The following VGLL1 variants were observed in gnomAD, a reference collection of about 807,000 sequenced individuals.
The protein encoded by VGLL1 is transcription cofactor vestigial-like protein 1.
A neutral mutation model predicts 12.0 loss-of-function variants in VGLL1; 4 were observed. The observed-to-expected ratio is 0.33, with a 90% CI of 0.16 to 0.76. VGLL1 has a LOEUF of 0.76. Among genes scored for constraint, VGLL1 ranks in the 30% least tolerant of loss-of-function variants. The probability of loss-of-function intolerance (pLI) is 0.60; values close to 1 mark genes in which losing one functional copy is unlikely to be tolerated. For missense variants in VGLL1, 204 were observed against 208.7 expected (o/e 0.98, Z 0.14); for synonymous variants, 87 against 81.2 (o/e 1.07, Z -0.39).
intron 2 of VGLL1, among the ~76,000 whole-genome samples, chrX:136,542,369 A>G (rs1356985747): frequency 8.9e-6 from 1 of 112,206 alleles, no homozygotes; most frequent in East Asian, 2.8e-4. Context: ...CAGACACCAC[A>G]CTAAAATTAG....
At chrX:136,544,852 G>A (rs2075865481) in intron 2 of VGLL1, among the ~76,000 whole-genome samples, 1 of 111,592 alleles carries the variant, frequency 9.0e-6, no homozygotes, top group Non-Finnish European at 1.9e-5. Context: ...GCTGTTATGG[G>A]CCCCTTGGCT....
chrX:136,549,615 C>T, intron 3 of VGLL1, among the ~76,000 whole-genome samples: 1 of 109,946 alleles, frequency 9.1e-6, no homozygotes, highest in Non-Finnish European at 1.9e-5. Flanking sequence ...TCCCTGACCA[C>T]CACCCCTCCC....
At position 136,536,192 on chromosome X, in the gene VGLL1, T is replaced by C; in HGVS notation, c.172T>C (p.Leu58=). 1 of 1,211,087 alleles carries C rather than the reference T, an allele frequency of 8.3e-7. No homozygotes were observed. The highest frequency in any genetic ancestry group is 3.0e-5 in the East Asian group (1 of 33,833). Residue 58 remains leucine, a synonymous_variant, in exon 2 of 5, where the codon TTG becomes CTG. Coordinates refer to ENST00000370634, the MANE Select transcript of VGLL1 (RefSeq NM_016267.4). ...GAGCAATATCAAGAGCCCCCAGGAA[T>C]TGACCCCCTCGAGTCAGAGTGAAGG... ...ALSNIKSPQE[L]TPSSQSEGVM...
intron 4 of VGLL1, among the ~76,000 whole-genome samples, chrX:136,552,720 G>C (rs2075889825): frequency 8.9e-6 from 1 of 112,045 alleles, no homozygotes; most frequent in African/African-American, 3.3e-5. Flanking sequence ...AAAGGTGAAA[G>C]GACTTGCCTT....
At chrX:136,539,687 A>T (rs1473170489) in intron 2 of VGLL1, among the ~76,000 whole-genome samples, 1 of 111,573 alleles carries the variant, frequency 9.0e-6, no homozygotes, top group Non-Finnish European at 1.9e-5. Context: ...CTCTGTCTAC[A>T]CTTACTGTCT....
intron 4 of VGLL1, among the ~76,000 whole-genome samples, chrX:136,555,711 T>C (rs752524334): frequency 2.7e-5 from 3 of 112,383 alleles, no homozygotes; most frequent in African/African-American, 6.5e-5. Context: ...GATTTCTATT[T>C]TCTCAATCAA....
Position 136,536,236 on chromosome X carries a change from T to C in VGLL1, c.214+2T>C. On this transcript the variant is annotated splice_donor_variant, in intron 2 of 4. Coordinates refer to ENST00000370634, the MANE Select transcript of VGLL1 (RefSeq NM_016267.4). LOFTEE classifies it high-confidence loss of function. The stretch of plus-strand genomic sequence containing the variant: ...GTGAAGGTGTGATGCTGAAAAACGG[T>C]GAGCATGTGGGGAGGGAGGGAGCTG... 8.3e-7 allele frequency: 1 copy of C among 1,207,756 alleles called. No homozygotes were observed. The highest frequency in any genetic ancestry group is 1.1e-6 in the Non-Finnish European group (1 of 893,143).
At chrX:136,552,008 G>A (rs1214494646) in intron 4 of VGLL1, among the ~76,000 whole-genome samples, 1 of 111,576 alleles carries the variant, frequency 9.0e-6, no homozygotes, top group African/African-American at 3.3e-5. Flanking sequence ...AAGTAGGGGT[G>A]AGGGCAATCT....
Position 136,536,158 on chromosome X carries a change from C to T in VGLL1, c.138C>T (p.Ser46=). The change falls in exon 2 of 5, where the codon TCC becomes TCT. Residue 46 remains serine (S), a synonymous_variant. Transcript: ENST00000370634. ...GCAGCGTAGTGGATGAACACTTCTC[C>T]AGAGCTCTGAGCAATATCAAGAGCC... The part of the protein sequence containing the change: ...DISSVVDEHF[S]RALSNIKSPQ... 3.3e-6 allele frequency: 4 copies of T among 1,211,372 alleles called. No homozygotes were observed. Among genetic ancestry groups the T allele is most frequent in the Non-Finnish European group, 4.5e-6 (4 of 895,430 alleles).
intron 1 of VGLL1, among the ~76,000 whole-genome samples, chrX:136,532,513 T>C (rs2075825154): frequency 9.0e-6 from 1 of 111,437 alleles, no homozygotes; most frequent in African/African-American, 3.3e-5. Context: ...AGTGCGTCCA[T>C]GCAGGCAGAT....
intron 2 of VGLL1, among the ~76,000 whole-genome samples, chrX:136,537,877 C>A (rs1209087690): frequency 2.7e-5 from 3 of 110,248 alleles, no homozygotes; most frequent in Admixed American, 9.7e-5. Flanking sequence ...GTATTATTAT[C>A]ACTATTATTA....
At chrX:136,532,650 TTTCTTTCTTTCTTTTTCTTTCTTTC>T (rs2075828208) in intron 1 of VGLL1, among the ~76,000 whole-genome samples, 6 of 66,162 alleles carry the variant, frequency 9.1e-5, no homozygotes, top group African/African-American at 3.3e-4. Context: ...TCTTTCTTTC[TTTCTTTCTTTCTTTTTCTTTCTTTC>T]TTCTTTCTTT....
intron 2 of VGLL1, among the ~76,000 whole-genome samples, chrX:136,544,622 G>A (rs953102091): frequency 1.8e-5 from 2 of 112,570 alleles, no homozygotes; most frequent in Non-Finnish European, 1.9e-5. Flanking sequence ...AGGATCACAT[G>A]AGATCATGTA....
At chrX:136,532,521 G>A (rs2075825187) in intron 1 of VGLL1, among the ~76,000 whole-genome samples, 2 of 111,195 alleles carry the variant, frequency 1.8e-5, no homozygotes, top group African/African-American at 6.5e-5. Context: ...CATGCAGGCA[G>A]ATTGTGGTAG....
intron 2 of VGLL1, among the ~76,000 whole-genome samples, chrX:136,548,386 T>C (rs190939200): frequency 9.0e-6 from 1 of 111,510 alleles, no homozygotes; most frequent in African/African-American, 3.3e-5. Context: ...AAACAATGCA[T>C]ACATGAATAG....
intron 2 of VGLL1, among the ~76,000 whole-genome samples, chrX:136,536,480 G>A (rs765582639): frequency 3.6e-5 from 4 of 111,085 alleles, no homozygotes; most frequent in African/African-American, 9.9e-5. Flanking sequence ...CGTCATGTTC[G>A]CTTTGATTTC....
chrX:136,543,535 T>G (rs1449360460), intron 2 of VGLL1, among the ~76,000 whole-genome samples: 1 of 111,146 alleles, frequency 9.0e-6, no homozygotes, highest in Non-Finnish European at 1.9e-5. Context: ...ATCGCAGCAC[T>G]TTGGGAGGGC....
At chrX:136,545,471 C>T (rs961757753) in intron 2 of VGLL1, among the ~76,000 whole-genome samples, 9 of 111,871 alleles carry the variant, frequency 8.0e-5, no homozygotes, top group Non-Finnish European at 1.7e-4. Context: ...ATGATCTCAG[C>T]TCTCGCCAAG....
At chrX:136,541,901 G>A (rs972056982) in intron 2 of VGLL1, among the ~76,000 whole-genome samples, 1 of 112,431 alleles carries the variant, frequency 8.9e-6, no homozygotes, top group Non-Finnish European at 1.9e-5. Context: ...CAAGTTGAAG[G>A]TATCTTTGAA....
Sources: allele counts gnomAD v4.1 joint callset (sites outside exome capture counted in the v4.1 genomes callset), GRCh38; gene constraint gnomAD v4.1.1; transcripts MANE v1.5; gene names NCBI Gene and HGNC (gene_info 2026-07-23, HGNC 2026-07-21).